Variants in SLC35F1 observed in about 807,000 individuals in gnomAD.
The protein encoded by SLC35F1 is solute carrier family 35 member F1.
A neutral mutation model predicts 48.7 loss-of-function variants in SLC35F1; 14 were observed. The observed-to-expected ratio is 0.29, with a 90% CI of 0.19 to 0.45. The LOEUF is 0.45. Among genes scored for constraint, SLC35F1 ranks in the 20% least tolerant of loss-of-function variants. The pLI, the probability that SLC35F1 is intolerant of heterozygous loss-of-function variation, is 1.00. For missense variants in SLC35F1, 404 were observed against 500.0 expected (o/e 0.81, Z 1.83); for synonymous variants, 190 against 202.2 (o/e 0.94, Z 0.51).
At chr6:118,081,627 C>A (rs1381816276) in intron 1 of SLC35F1, among the ~76,000 whole-genome samples, 1 of 151,858 alleles carries the variant, frequency 6.6e-6, no homozygotes, top group Admixed American at 6.6e-5. Context: ...AGAGCAAGAC[C>A]CTGTTTTCAA....
chr6:117,950,089 A>G (rs745956360), intron 1 of SLC35F1, among the ~76,000 whole-genome samples: 6 of 152,114 alleles, frequency 3.9e-5, no homozygotes, highest in Non-Finnish European at 8.8e-5. Flanking sequence ...TTCTTGCCCC[A>G]TACCCAATCT....
chr6:118,110,342 G>A (rs559825398), intron 1 of SLC35F1, among the ~76,000 whole-genome samples: 1 of 152,270 alleles, frequency 6.6e-6, no homozygotes, highest in African/African-American at 2.4e-5. Flanking sequence ...GAGGCCCACA[G>A]CTAAAACCTG....
chr6:118,127,927 T>C (rs1213363759), intron 1 of SLC35F1, among the ~76,000 whole-genome samples: 2 of 152,106 alleles, frequency 1.3e-5, no homozygotes, highest in African/African-American at 4.8e-5. Context: ...AAAGGGCTAA[T>C]ATCCAGAATC....
intron 1 of SLC35F1, among the ~76,000 whole-genome samples, chr6:118,148,870 G>A (rs1461655203): frequency 1.3e-5 from 2 of 152,136 alleles, no homozygotes; most frequent in African/African-American, 4.8e-5. Context: ...ATGTCTAACT[G>A]GCAGATGGAA....
At chr6:118,075,804 C>A (rs1465933875) in intron 1 of SLC35F1, among the ~76,000 whole-genome samples, 1 of 152,138 alleles carries the variant, frequency 6.6e-6, no homozygotes, top group Non-Finnish European at 1.5e-5. Flanking sequence ...CAAATCTATC[C>A]ATATTTTCCT....
chr6:117,936,330 G>C, intron 1 of SLC35F1, among the ~76,000 whole-genome samples: 1 of 152,178 alleles, frequency 6.6e-6, no homozygotes, highest in East Asian at 1.9e-4. Flanking sequence ...TTGCTGTTGG[G>C]GGTTTGGGTA....
chr6:118,286,116 CAA>C (rs1451954124), intron 7 of SLC35F1, among the ~76,000 whole-genome samples: 1 of 152,050 alleles, frequency 6.6e-6, no homozygotes, highest in Admixed American at 6.5e-5. Flanking sequence ...TCCTGTAAGA[CAA>C]GAGTCAACAG....
intron 1 of SLC35F1, among the ~76,000 whole-genome samples, chr6:117,932,972 C>T (rs1024469023): frequency 3.3e-5 from 5 of 152,176 alleles, no homozygotes; most frequent in African/African-American, 9.7e-5. Flanking sequence ...AAGTTTCTTA[C>T]GTTGATTTTA....
chr6:118,281,194 C>CTA (rs1404844519), intron 6 of SLC35F1, among the ~76,000 whole-genome samples: 38 of 124,704 alleles, frequency 3.0e-4, no homozygotes, highest in African/African-American at 1.0e-3. Flanking sequence ...CTCTCTCTCT[C>CTA]TCTCTCTCTC....
chr6:118,225,961 AT>A (rs1229608240), intron 2 of SLC35F1, among the ~76,000 whole-genome samples: 1 of 151,500 alleles, frequency 6.6e-6, no homozygotes, highest in East Asian at 1.9e-4. Context: ...ATATTTGGAA[AT>A]ATTTATTTTA....
intron 1 of SLC35F1, among the ~76,000 whole-genome samples, chr6:117,987,045 C>A (rs1486246696): frequency 6.6e-6 from 1 of 152,148 alleles, no homozygotes; most frequent in Non-Finnish European, 1.5e-5. Context: ...TGAAGGGATG[C>A]TTCTTACAAA....
intron 1 of SLC35F1, among the ~76,000 whole-genome samples, chr6:118,062,984 G>A (rs1772562808): frequency 6.6e-6 from 1 of 152,004 alleles, no homozygotes. Context: ...AATTTTGGGG[G>A]TATGTTATAT....
At chr6:118,264,858 A>T (rs1775752668) in intron 3 of SLC35F1, among the ~76,000 whole-genome samples, 1 of 152,230 alleles carries the variant, frequency 6.6e-6, no homozygotes, top group African/African-American at 2.4e-5. Flanking sequence ...TAGCTGTAAA[A>T]CCTACCTTAG....
intron 1 of SLC35F1, among the ~76,000 whole-genome samples, chr6:118,009,571 G>C (rs1777218776): frequency 6.6e-6 from 1 of 152,170 alleles, no homozygotes; most frequent in African/African-American, 2.4e-5. Context: ...CAAGTGGACA[G>C]TTTTGCCCAG....
intron 1 of SLC35F1, among the ~76,000 whole-genome samples, chr6:117,991,029 C>G (rs1037676579): frequency 6.6e-6 from 1 of 152,078 alleles, no homozygotes; most frequent in African/African-American, 2.4e-5. Flanking sequence ...GATTAGAAAA[C>G]TAAGTGGGTA....
chr6:118,310,914 T>C (rs1776365133), intron 7 of SLC35F1, among the ~76,000 whole-genome samples: 1 of 152,200 alleles, frequency 6.6e-6, no homozygotes, highest in South Asian at 2.1e-4. Flanking sequence ...ATTTACAAAA[T>C]TTAACAGTAT....
chr6:118,288,009 G>T (rs1368977176), intron 7 of SLC35F1, among the ~76,000 whole-genome samples: 1 of 77,148 alleles, frequency 1.3e-5, no homozygotes, highest in Non-Finnish European at 2.8e-5. Flanking sequence ...GCAATGATTT[G>T]GGTTTTTTTT....
chr6:118,005,375 A>C (rs1028449744), intron 1 of SLC35F1, among the ~76,000 whole-genome samples: 1 of 152,194 alleles, frequency 6.6e-6, no homozygotes. Context: ...CTGTTCTCCC[A>C]GTCATGTAGA....
intron 1 of SLC35F1, among the ~76,000 whole-genome samples, chr6:118,129,511 G>T (rs774842217): frequency 6.6e-6 from 1 of 152,134 alleles, no homozygotes; most frequent in African/African-American, 2.4e-5. Flanking sequence ...ATTGAAGGGG[G>T]ACCCTGATGG....
Sources: allele counts gnomAD v4.1 joint callset (sites outside exome capture counted in the v4.1 genomes callset), GRCh38; gene constraint gnomAD v4.1.1; transcripts MANE v1.5; gene names NCBI Gene and HGNC (gene_info 2026-07-23, HGNC 2026-07-21).